Variants in CSMD3 observed in about 807,000 individuals in gnomAD.
The protein encoded by CSMD3 is CUB and sushi domain-containing protein 3.
A neutral mutation model predicts 435.2 loss-of-function variants in CSMD3; 177 were observed. The ratio of observed to expected loss-of-function variants is 0.41; its 90% CI spans 0.36 to 0.46. The LOEUF (loss-of-function observed/expected upper bound fraction) is 0.46, where lower values mean the gene tolerates loss of function less well. Ranked by LOEUF, CSMD3 falls within the 20% of genes least tolerant of loss-of-function variation. CSMD3 has a pLI of 0.34. For synonymous variants in CSMD3, 1,656 were observed against 1,520.5 expected, an observed-to-expected ratio of 1.09 and a Z score of -2.07; for missense variants, 4,265 against 4,504.6, an observed-to-expected ratio of 0.95 and a Z score of 1.52.
At chr8:113,250,976 G>T (rs1359409204) in intron 3 of CSMD3, among the ~76,000 whole-genome samples, 6 of 151,760 alleles carry the variant, frequency 4.0e-5, no homozygotes, top group Non-Finnish European at 8.8e-5. Flanking sequence ...CTTGCAGAAG[G>T]GTTACTAGGT....
chr8:112,838,865 CTT>C (rs1395576254), intron 11 of CSMD3, among the ~76,000 whole-genome samples: 3 of 151,512 alleles, frequency 2.0e-5, no homozygotes, highest in Non-Finnish European at 4.4e-5. Flanking sequence ...CAAAGGTAAA[CTT>C]ATATGAAATT....
chr8:112,791,319 G>GGAAAAAAAAAAAAAAAAAAA lies in CSMD3; in HGVS notation c.1972+8842_1972+8843insTTTTTTTTTTTTTTTTTTTC, dbSNP rs56289713. ...CCTGGGTGACAGAGGCATATCCTGTGAAAAAAAAAAAAAAAAAAAAAGGAA... is the reference window on the plus strand; with the variant it reads ...CCTGGGTGACAGAGGCATATCCTGTGGAAAAAAAAAAAAAAAAAAAAAAAAAAAAAAAAAAAAAAAAGGAA... On this transcript the variant is annotated intron_variant, in intron 13 of 70. Transcript: ENST00000297405. Among the ~76,000 whole-genome samples the GGAAAAAAAAAAAAAAAAAAA allele has an allele frequency of 3.9e-5, 4 of 103,194 alleles. 1 individual carries two copies. The highest frequency in any genetic ancestry group is 1.2e-4 in the African/African-American group (3 of 25,756). The allele number at this position is 103,194 out of a possible 152,430, so 67.7% of individuals were successfully genotyped here.
intron 13 of CSMD3, among the ~76,000 whole-genome samples, chr8:112,754,256 G>A (rs2077640176): frequency 6.6e-6 from 1 of 152,104 alleles, no homozygotes; most frequent in Non-Finnish European, 1.5e-5. Context: ...AATCAACTCT[G>A]GTCTCCCTCT....
chr8:112,405,212 C>CAA lies in CSMD3; in HGVS notation c.5809+1311_5809+1312insTT, dbSNP rs1563904189. Among the ~76,000 whole-genome samples, 12 of 33,096 alleles carry CAA rather than the reference C, an allele frequency of 3.6e-4. 1 individual carries two copies. Among genetic ancestry groups the CAA allele is most frequent in the African/African-American group, 7.6e-4 (6 of 7,900 alleles). The allele number at this position is 33,096 out of a possible 152,430, so 21.7% of individuals were successfully genotyped here. On this transcript the variant is annotated intron_variant, in intron 35 of 70. Transcript: ENST00000297405. Reference sequence around the variant, plus strand: ...AAAAAAAAAAAAAAAAAAAAAAACCCCCATATATATATATATATATATATA... The same window carrying CAA: ...AAAAAAAAAAAAAAAAAAAAAAACCCAACCATATATATATATATATATATATA...
chr8:112,309,300 A>T (rs1821733024), intron 50 of CSMD3, among the ~76,000 whole-genome samples: 1 of 151,902 alleles, frequency 6.6e-6, no homozygotes, highest in Admixed American at 6.6e-5. Context: ...TTTCTTAAGG[A>T]TTATATATGT....
At chr8:113,270,076 C>T (rs928345564) in intron 3 of CSMD3, among the ~76,000 whole-genome samples, 3 of 151,634 alleles carry the variant, frequency 2.0e-5, no homozygotes, top group East Asian at 1.9e-4. Context: ...TGACAAAGGG[C>T]TAATATCCAG....
intron 13 of CSMD3, among the ~76,000 whole-genome samples, chr8:112,761,739 TATC>T (rs1159637433): frequency 6.6e-6 from 1 of 152,086 alleles, no homozygotes; most frequent in Admixed American, 6.6e-5. Context: ...TTTATTTACT[TATC>T]ATTTGTGCAA....
intron 4 of CSMD3, among the ~76,000 whole-genome samples, chr8:113,165,038 G>A (rs975757270): frequency 6.6e-6 from 1 of 152,110 alleles, no homozygotes; most frequent in African/African-American, 2.4e-5. Flanking sequence ...CATTGCTGTG[G>A]TTCACTGAGT....
chr8:113,283,434 C>G (rs2093626008), intron 2 of CSMD3, among the ~76,000 whole-genome samples: 1 of 151,926 alleles, frequency 6.6e-6, no homozygotes. Flanking sequence ...CATGAATAGA[C>G]AATTCTCAAA....
rs117169544 is a variant in CSMD3, at chr8:112,395,920, T to C, written c.5810-5132A>G. ...TTAAGTAAAATTTTATTGTATTTTA[T>C]TGTAATTAAGAAAGGCTTGGAACTA... is the stretch of plus-strand genomic sequence containing the variant. On this transcript the variant is annotated intron_variant, in intron 35 of 70. Transcript: ENST00000297405. Among the ~76,000 whole-genome samples, 1,346 of 152,290 alleles carry C rather than the reference T, an allele frequency of 8.8e-3. 15 individuals are homozygous for C. The highest frequency in any genetic ancestry group is 0.02 in the Middle Eastern group (6 of 294).
At chr8:113,307,925 T>C (rs979812188) in intron 2 of CSMD3, among the ~76,000 whole-genome samples, 1 of 152,174 alleles carries the variant, frequency 6.6e-6, no homozygotes, top group African/African-American at 2.4e-5. Flanking sequence ...TTTTTTCTTA[T>C]GATATTAAAT....
chr8:112,716,291 G>T (rs2076726621), intron 13 of CSMD3, among the ~76,000 whole-genome samples: 1 of 152,092 alleles, frequency 6.6e-6, no homozygotes, highest in African/African-American at 2.4e-5. Context: ...TAGATAAGCA[G>T]AGAGCCACAA....
chr8:112,497,294 T>C (rs1821452001), intron 30 of CSMD3, among the ~76,000 whole-genome samples: 2 of 152,086 alleles, frequency 1.3e-5, no homozygotes, highest in South Asian at 2.1e-4. Flanking sequence ...TAGTCTTTGA[T>C]AGCATAACAG....
In CSMD3 at chr8:112,306,201, A is replaced by G. The variant is rs767038979; in HGVS notation, c.7886-9T>C. ...AATCCCACAGGAAATTGCTAGAAAA[A>G]CATACACACAAGCAAAATCGTATAA... On this transcript the variant is annotated splice_polypyrimidine_tract_variant and intron_variant, in intron 50 of 70. Coordinates refer to ENST00000297405, the MANE Select transcript of CSMD3 (RefSeq NM_198123.2). 6.2e-7 allele frequency: 1 copy of G among 1,609,600 alleles called. No individual in the cohort carries two copies. The highest frequency in any genetic ancestry group is 1.7e-5 in the Admixed American group (1 of 59,914).
At chr8:112,657,271 C>A (rs1818988211) in intron 17 of CSMD3, among the ~76,000 whole-genome samples, 1 of 152,048 alleles carries the variant, frequency 6.6e-6, no homozygotes, top group African/African-American at 2.4e-5. Context: ...CCATCTTGGC[C>A]AGGCTGGTCT....
At position 112,701,774 on chromosome 8, in the gene CSMD3, A is replaced by T. The variant is rs1035882297; in HGVS notation, c.1973-11724T>A. Among the ~76,000 whole-genome samples the T allele has an allele frequency of 6.6e-5, 10 of 152,174 alleles. No individual in the cohort carries two copies. In the East Asian group the frequency reaches 1.5e-3, roughly 24 times the overall value. ...GTCTCCCATCATTTTCCCATAAGCA[A>T]CCTAAGTGTTAGACATGTTGAAGCA... On this transcript the variant is annotated intron_variant, in intron 13 of 70. Coordinates refer to ENST00000297405, the MANE Select transcript of CSMD3 (RefSeq NM_198123.2).
chr8:112,901,281 T>C (rs558382973), intron 10 of CSMD3, among the ~76,000 whole-genome samples: 5 of 151,430 alleles, frequency 3.3e-5, no homozygotes, highest in African/African-American at 1.2e-4. Flanking sequence ...ATGGCAATCA[T>C]AGGTCCATTT....
At chr8:113,249,490 C>T (rs2093313927) in intron 3 of CSMD3, among the ~76,000 whole-genome samples, 1 of 151,996 alleles carries the variant, frequency 6.6e-6, no homozygotes, top group Non-Finnish European at 1.5e-5. Flanking sequence ...TTTGTTACAA[C>T]AGTTGTACAT....
chr8:112,236,704 G>C (rs1813626198), intron 67 of CSMD3, among the ~76,000 whole-genome samples: 1 of 152,070 alleles, frequency 6.6e-6, no homozygotes, highest in Non-Finnish European at 1.5e-5. Flanking sequence ...ACAGAAAACA[G>C]AAACTTAAGA....
Sources: allele counts gnomAD v4.1 joint callset (sites outside exome capture counted in the v4.1 genomes callset), GRCh38; gene constraint gnomAD v4.1.1; transcripts MANE v1.5; gene names NCBI Gene and HGNC (gene_info 2026-07-23, HGNC 2026-07-21).